SPMIP7: variants seen among roughly 807,000 people sequenced by gnomAD.
The protein encoded by SPMIP7 is sperm microtubule inner protein 7, also known as protein SPMIP7.
the SPMIP7 span, among the ~76,000 whole-genome samples, chr7:50,108,898 C>A: frequency 3.9e-5 from 6 of 152,208 alleles, no homozygotes; most frequent in East Asian, 1.2e-3. Context: ...AGGACACAAG[C>A]AAAATATATG....
chr7:50,131,593 A>G, the SPMIP7 span, among the ~76,000 whole-genome samples: 8 of 152,162 alleles, frequency 5.3e-5, no homozygotes, highest in Admixed American at 5.2e-4. Context: ...CATCTCGTTA[A>G]AAAAGAGAAA....
the SPMIP7 span, among the ~76,000 whole-genome samples, chr7:50,123,310 C>T: frequency 4.5e-5 from 6 of 133,686 alleles, no homozygotes; most frequent in Non-Finnish European, 9.4e-5. Flanking sequence ...AGTAAACTAT[C>T]GCAAGAACAA....
At chr7:50,100,964 T>C in the SPMIP7 span, among the ~76,000 whole-genome samples, 2 of 152,196 alleles carry the variant, frequency 1.3e-5, no homozygotes, top group Non-Finnish European at 2.9e-5. Flanking sequence ...TATTTTCCAG[T>C]GTCCCTTCTT....
chr7:50,156,546 C>T, the SPMIP7 span, among the ~76,000 whole-genome samples: 1 of 151,514 alleles, frequency 6.6e-6, no homozygotes, highest in East Asian at 2.0e-4. Context: ...CAGTCACTTC[C>T]CCACGCCCCT....
At chr7:50,103,022 T>C in the SPMIP7 span, among the ~76,000 whole-genome samples, 1 of 142,230 alleles carries the variant, frequency 7.0e-6, no homozygotes, top group South Asian at 2.2e-4. Context: ...ATATAATGTA[T>C]ATACTTGTAA....
chr7:50,133,090 C>T, the SPMIP7 span, among the ~76,000 whole-genome samples: 1 of 152,122 alleles, frequency 6.6e-6, no homozygotes, highest in Admixed American at 6.6e-5. Context: ...ATCCATCTAT[C>T]TTGTCAGAAT....
the SPMIP7 span, among the ~76,000 whole-genome samples, chr7:50,122,132 C>A: frequency 2.0e-5 from 3 of 152,162 alleles, no homozygotes; most frequent in Admixed American, 6.5e-5. Flanking sequence ...TTACTTTTTT[C>A]CTTTTAAGGT....
the SPMIP7 span, among the ~76,000 whole-genome samples, chr7:50,125,165 T>C: frequency 1.2e-3 from 46 of 36,812 alleles, 10 homozygotes; most frequent in Middle Eastern, 0.024. Flanking sequence ...TATATACACA[T>C]ATATACACAT....
the SPMIP7 span, among the ~76,000 whole-genome samples, chr7:50,155,889 T>C: frequency 4.7e-4 from 1 of 2,128 alleles, no homozygotes; most frequent in East Asian, 0.014. Context: ...GTGGGACCCA[T>C]CGCCCTCTGA....
the SPMIP7 span, chr7:50,129,869 T>A: frequency 1.1e-6 from 1 of 883,400 alleles, no homozygotes; most frequent in Non-Finnish European, 1.8e-6. Flanking sequence ...TCTTTATGTC[T>A]ATAATATCCT....
At chr7:50,118,562 T>G in the SPMIP7 span, among the ~76,000 whole-genome samples, 1 of 152,218 alleles carries the variant, frequency 6.6e-6, no homozygotes, top group Non-Finnish European at 1.5e-5. Context: ...AAAGCTGATC[T>G]TATGATGGTA....
At chr7:50,130,925 GAGAGGTC>G in the SPMIP7 span, among the ~76,000 whole-genome samples, 24 of 152,248 alleles carry the variant, frequency 1.6e-4, no homozygotes, top group African/African-American at 5.5e-4. Flanking sequence ...GTAGCAAAAG[GAGAGGTC>G]AGAGAAGTGC....
chr7:50,155,837 T>C, the SPMIP7 span, among the ~76,000 whole-genome samples: 2 of 152,394 alleles, frequency 1.3e-5, no homozygotes, highest in African/African-American at 2.4e-5. Context: ...TGGCCCTCAC[T>C]ATACACACAT....
At chr7:50,131,202 G>T in the SPMIP7 span, among the ~76,000 whole-genome samples, 1 of 152,088 alleles carries the variant, frequency 6.6e-6, no homozygotes, top group Non-Finnish European at 1.5e-5. Context: ...TGTAAGCAAC[G>T]GTTGAGTTCT....
chr7:50,140,261 T>C, the SPMIP7 span: 2 of 767,534 alleles, frequency 2.6e-6, no homozygotes, highest in Non-Finnish European at 4.0e-6. Flanking sequence ...ACGCATGTTG[T>C]ATTCACTTTT....
the SPMIP7 span, among the ~76,000 whole-genome samples, chr7:50,145,600 GTGTGTGTATA>G: frequency 2.7e-4 from 19 of 71,374 alleles, 1 homozygote; most frequent in African/African-American, 8.6e-4. Flanking sequence ...GTGTGTGTGT[GTGTGTGTATA>G]TGTGTGTGTA....
the SPMIP7 span, among the ~76,000 whole-genome samples, chr7:50,107,227 G>A: frequency 6.6e-6 from 1 of 151,656 alleles, no homozygotes; most frequent in Non-Finnish European, 1.5e-5. Context: ...GTGGTGGCAC[G>A]TGTCTGTAGT....
chr7:50,147,682 T>C, the SPMIP7 span, among the ~76,000 whole-genome samples: 4 of 152,232 alleles, frequency 2.6e-5, no homozygotes, highest in Non-Finnish European at 2.9e-5. Context: ...TGCTCCCTTC[T>C]TCTGAGTTAC....
chr7:50,155,838 A>C, the SPMIP7 span, among the ~76,000 whole-genome samples: 4 of 152,382 alleles, frequency 2.6e-5, no homozygotes, highest in Non-Finnish European at 5.9e-5. Context: ...GGCCCTCACT[A>C]TACACACATA....
Sources: gnomAD v4.1 joint callset for allele counts (sites outside exome capture counted in the v4.1 genomes callset) on GRCh38, gnomAD v4.1.1 for gene constraint, MANE v1.5 for transcripts, NCBI Gene and HGNC (gene_info 2026-07-23, HGNC 2026-07-21) for gene names.